DOCK4: variants seen among roughly 807,000 people sequenced by gnomAD.
DOCK4 encodes the protein dedicator of cytokinesis protein 4.
In DOCK4, 97 loss-of-function variants were observed where a neutral mutation model predicts 268.1. That is an observed-to-expected ratio of 0.36 (90% confidence interval 0.31 to 0.43). The LOEUF is 0.43. Among genes scored for constraint, DOCK4 ranks in the 20% least tolerant of loss-of-function variants. The probability of loss-of-function intolerance (pLI) is 1.00; values close to 1 mark genes in which losing one functional copy is unlikely to be tolerated. For synonymous variants in DOCK4, 954 were observed against 887.2 expected, an observed-to-expected ratio of 1.08 and a Z score of -1.34; for missense variants, 2,145 against 2,455.7, an observed-to-expected ratio of 0.87 and a Z score of 2.67.
Position 112,150,363 on chromosome 7 carries a change from C to T in DOCK4, c.37+55739G>A, listed in dbSNP as rs749334547. Among the ~76,000 whole-genome samples the T allele has an allele frequency of 1.1e-4, 16 of 152,086 alleles. No individual in the cohort carries two copies. In the East Asian group the frequency reaches 1.4e-3, roughly 13 times the overall value. On this transcript the variant is annotated intron_variant, in intron 1 of 52. Transcript: ENST00000428084. ...GCCTCAAGTTAATCAATGAAACATC[C>T]GTCAAGAATGAGCACTTGTCTGCCA...
At chr7:112,177,700 G>C (rs539740214) in intron 1 of DOCK4, among the ~76,000 whole-genome samples, 14 of 152,084 alleles carry the variant, frequency 9.2e-5, no homozygotes, top group African/African-American at 2.7e-4. Flanking sequence ...ATTCATAGTT[G>C]ATATGTCAAA....
Position 111,877,199 on chromosome 7 carries a change from T to A in DOCK4, c.1588-13A>T. On this transcript the variant is annotated splice_polypyrimidine_tract_variant and intron_variant, in intron 16 of 52. Transcript: ENST00000428084. The stretch of plus-strand genomic sequence containing the variant: ...TGTTTTCTTCACACTGTTAAAAATA[T>A]TTAAAAAAACATAAGGGAAGGGGAA... The A allele has an allele frequency of 7.0e-7, 1 of 1,438,782 alleles. No homozygotes were observed. The highest frequency in any genetic ancestry group is 9.2e-7 in the Non-Finnish European group (1 of 1,088,564). The allele number at this position is 1,438,782 out of a possible 1,614,324, so 89.1% of individuals were successfully genotyped here.
At chr7:111,783,696 A>T (rs1472835941) in intron 34 of DOCK4, among the ~76,000 whole-genome samples, 161 bp downstream of exon 34, 1 of 152,186 alleles carries the variant, frequency 6.6e-6, no homozygotes. Context: ...AACAGCTCTG[A>T]ACCAGCTGGT....
Position 111,901,798 on chromosome 7 carries a change from T to G in DOCK4, c.1196A>C (p.Glu399Ala). 1 of 1,565,978 alleles carries G rather than the reference T, an allele frequency of 6.4e-7. No homozygotes were observed. Among genetic ancestry groups the G allele is most frequent in the East Asian group, 2.3e-5 (1 of 44,360 alleles). ...LGFSNIIMPG[E>A]MRNDLYITIE... ...AGTGATATATAAATCATTCCTCATT[T>G]CACCTATAAGGAAAGGAAAATTAAA... The change falls in exon 14 of 53, where the codon GAA (glutamate) becomes GCA (alanine). Residue 399 changes from glutamate to alanine, a missense_variant. Glu to Ala is a moderately radical substitution (Grantham distance 107). This residue lies in a region of DOCK4 where 1,598 missense variants were observed against 1,986.7 expected (regional missense o/e 0.80). Transcript: ENST00000428084.
intron 39 of DOCK4, 78 bp from the exon 40 acceptor site, chr7:111,760,400 G>T: frequency 6.9e-7 from 1 of 1,453,718 alleles, no homozygotes; most frequent in Non-Finnish European, 9.4e-7. Flanking sequence ...CATGACACTG[G>T]CAGTAACTGA....
intron 4 of DOCK4, among the ~76,000 whole-genome samples, 184 bp downstream of exon 4, chr7:111,998,264 C>T (rs1231695249): frequency 3.3e-5 from 5 of 152,182 alleles, no homozygotes; most frequent in Non-Finnish European, 7.3e-5. Flanking sequence ...CCAGCACACA[C>T]AGATGGGGTT....
intron 8 of DOCK4, among the ~76,000 whole-genome samples, chr7:111,973,964 G>A (rs1170038438): frequency 1.3e-5 from 2 of 152,126 alleles, no homozygotes; most frequent in African/African-American, 4.8e-5. Flanking sequence ...CACATTCACA[G>A]TACTTTTTTC....
intron 35 of DOCK4, among the ~76,000 whole-genome samples, chr7:111,781,814 A>G (rs1441751232): frequency 6.6e-6 from 1 of 152,204 alleles, no homozygotes; most frequent in Non-Finnish European, 1.5e-5. Flanking sequence ...ACAAAACAAA[A>G]CAAAACAAAA....
chr7:112,050,554 G>T (rs890517144), intron 1 of DOCK4, among the ~76,000 whole-genome samples: 3 of 152,072 alleles, frequency 2.0e-5, no homozygotes, highest in African/African-American at 7.2e-5. Context: ...AAGATTAAAG[G>T]TAGTCATTGA....
Position 112,206,173 on chromosome 7 carries a change from A to G in DOCK4, c.-35T>C, listed in dbSNP as rs772496443. Reference sequence around the variant, plus strand: ...GGCTCCGGGGTCTTCAGGCTTTGTAATCCCCGCGCCCCTTCTCCGGCTCAC... The same window carrying G: ...GGCTCCGGGGTCTTCAGGCTTTGTAGTCCCCGCGCCCCTTCTCCGGCTCAC... On this transcript the variant is annotated 5_prime_UTR_variant, in exon 1 of 53. Coordinates refer to ENST00000428084, the MANE Select transcript of DOCK4 (RefSeq NM_001363540.2). The G allele has an allele frequency of 1.9e-6, 3 of 1,559,200 alleles. No homozygotes were observed. The highest frequency in any genetic ancestry group is 2.6e-6 in the Non-Finnish European group (3 of 1,150,640).
chr7:112,010,466 G>T (rs1352725264), intron 1 of DOCK4, among the ~76,000 whole-genome samples: 2 of 152,194 alleles, frequency 1.3e-5, no homozygotes, highest in South Asian at 2.1e-4. Context: ...GAACTCCCAG[G>T]TGGCTATGTG....
chr7:112,051,311 A>C (rs1208139761), intron 1 of DOCK4, among the ~76,000 whole-genome samples: 3 of 152,124 alleles, frequency 2.0e-5, no homozygotes, highest in Non-Finnish European at 4.4e-5. Flanking sequence ...GAGGTAGGAC[A>C]CTTCAACAGC....
At chr7:111,786,725 G>A (rs756459595) in intron 32 of DOCK4, among the ~76,000 whole-genome samples, 7 of 152,060 alleles carry the variant, frequency 4.6e-5, no homozygotes, top group African/African-American at 9.7e-5. Context: ...ACCATATAAC[G>A]GCATGTGTTC....
At chr7:112,192,829 C>A (rs1820093893) in intron 1 of DOCK4, among the ~76,000 whole-genome samples, 1 of 151,952 alleles carries the variant, frequency 6.6e-6, no homozygotes, top group South Asian at 2.1e-4. Flanking sequence ...AGTTTTTCTA[C>A]CAACATGTCG....
At chr7:111,787,123 T>G (rs984802951) in intron 32 of DOCK4, among the ~76,000 whole-genome samples, 1 of 152,170 alleles carries the variant, frequency 6.6e-6, no homozygotes, top group African/African-American at 2.4e-5. Context: ...CAACTGAAAT[T>G]GCATATTATC....
chr7:111,962,933 C>G (rs112665900), intron 8 of DOCK4, among the ~76,000 whole-genome samples: 1 of 152,116 alleles, frequency 6.6e-6, no homozygotes, highest in South Asian at 2.1e-4. Context: ...GCTATTTTCT[C>G]AAATAAAGGC....
chr7:112,164,847 A>T (rs1817450536), intron 1 of DOCK4, among the ~76,000 whole-genome samples: 1 of 152,342 alleles, frequency 6.6e-6, no homozygotes, highest in East Asian at 1.9e-4. Context: ...AATATGCTCC[A>T]TTTGAGCTCC....
chr7:111,941,542 T>G (rs1010327732), intron 10 of DOCK4, among the ~76,000 whole-genome samples: 3 of 152,154 alleles, frequency 2.0e-5, no homozygotes, highest in African/African-American at 7.2e-5. Flanking sequence ...TAAAACATGC[T>G]TTTTTCTTAA....
intron 23 of DOCK4, among the ~76,000 whole-genome samples, chr7:111,861,365 A>T (rs1359310264): frequency 6.6e-6 from 1 of 152,224 alleles, no homozygotes; most frequent in Non-Finnish European, 1.5e-5. Context: ...AAAATAAATT[A>T]ACTGTGATAT....
Sources: gnomAD v4.1 joint callset for allele counts (sites outside exome capture counted in the v4.1 genomes callset) on GRCh38, gnomAD v4.1.1 for gene constraint, gnomAD v4.1.1 regional missense constraint, MANE v1.5 for transcripts, NCBI Gene and HGNC (gene_info 2026-07-23, HGNC 2026-07-21) for gene names.